Variants in ASB6 observed in about 807,000 individuals in gnomAD.
ASB6 encodes ankyrin repeat and SOCS box protein 6.
Under a neutral mutation model 28.6 loss-of-function variants are expected in ASB6, and 24 were observed. The observed-to-expected ratio is 0.84, with a 90% CI of 0.61 to 1.18. The LOEUF (loss-of-function observed/expected upper bound fraction) is 1.18, where lower values mean the gene tolerates loss of function less well. Among genes scored for constraint, ASB6 ranks in the 50% most tolerant of loss-of-function variants. The pLI is 0.00. For missense variants in ASB6, 519 were observed against 559.8 expected, an observed-to-expected ratio of 0.93 and a Z score of 0.74; for synonymous variants, 267 against 243.4, an observed-to-expected ratio of 1.10 and a Z score of -0.90.
Position 129,635,545 on chromosome 9 carries a change from T to C in ASB6, c.*2245A>G. ...GCTGGGCAAGATCCAGGCGCCACGC[T>C]GGCGGTTCGTGAGTGTCGAGGCACC... is the stretch of plus-strand genomic sequence containing the variant. On this transcript the variant is annotated 3_prime_UTR_variant, in exon 6 of 6. Coordinates refer to ENST00000277458, the MANE Select transcript of ASB6 (RefSeq NM_017873.4). 6.7e-7 allele frequency: 1 copy of C among 1,496,168 alleles called. No homozygotes were observed. The highest frequency in any genetic ancestry group is 1.9e-5 in the Admixed American group (1 of 51,960). 92.7% of individuals were successfully genotyped at this position (1,496,168 alleles called of 1,614,324 possible). A position where few individuals can be genotyped will look rare whatever the true frequency, so the allele number is the denominator to read the frequency against.
intron 2 of ASB6, 129 bp downstream of exon 2, chr9:129,640,412 C>T: frequency 7.6e-7 from 1 of 1,312,290 alleles, no homozygotes; most frequent in Non-Finnish European, 1.0e-6. Context: ...TTAGTTGCAG[C>T]CACCCAGGAA....
In ASB6 at chr9:129,637,961, C is replaced by T; in HGVS notation, c.1095G>A (p.Leu365=). ...AEKIQALHFS[L]RQLESYPPPL... is the part of the protein sequence containing the mutation. ...GCGGGGGATAGCTCTCCAGCTGCCT[C>T]AAGGAGAAGTGGAGGGCCTGGATCT... is the stretch of plus-strand genomic sequence containing the variant. Residue 365 remains leucine, a synonymous_variant, in exon 6 of 6, where the codon TTG becomes TTA. Transcript: ENST00000277458. 1.2e-6 allele frequency: 2 copies of T among 1,600,252 alleles called. No individual in the cohort carries two copies.
At position 129,634,984 on chromosome 9, in the gene ASB6, T is replaced by G; in HGVS notation, c.*2806A>C. 1.8e-6 allele frequency: 1 copy of G among 566,250 alleles called. No homozygotes were observed. Among genetic ancestry groups the G allele is most frequent in the Non-Finnish European group, 3.1e-6 (1 of 321,438 alleles). The allele number at this position is 566,250 out of a possible 1,614,324, so 35.1% of individuals were successfully genotyped here. On this transcript the variant is annotated 3_prime_UTR_variant, in exon 6 of 6. Transcript: ENST00000277458. ...TTGTAAGCCATCCCGTCAAGTCAAATTCTGGCTTAATGTGTCTTTAGGTAG... is the reference window on the plus strand; with the variant it reads ...TTGTAAGCCATCCCGTCAAGTCAAAGTCTGGCTTAATGTGTCTTTAGGTAG...
intron 4 of ASB6, among the ~76,000 whole-genome samples, 192 bp from the exon 5 acceptor site, chr9:129,638,851 G>A (rs565089667): frequency 9.9e-5 from 15 of 152,264 alleles, no homozygotes; most frequent in East Asian, 1.9e-4. Context: ...AAGTGGGAGC[G>A]GAAAGGCCAG....
At position 129,634,908 on chromosome 9, in the gene ASB6, T is replaced by G; in HGVS notation, c.*2882A>C. On this transcript the variant is annotated 3_prime_UTR_variant, in exon 6 of 6. Transcript: ENST00000277458. ...TCTTAGCCCAGGTTCACTCCTCCGA[T>G]CCAAGCCTGGCAGGGGTGGGGCATC... 2.5e-6 allele frequency: 1 copy of G among 401,954 alleles called. No homozygotes were observed. Among genetic ancestry groups the G allele is most frequent in the South Asian group, 2.9e-5 (1 of 34,706 alleles). The allele number at this position is 401,954 out of a possible 1,614,324, so 24.9% of individuals were successfully genotyped here.
rs1195408162 is a variant in ASB6 at position 129,638,296 on chromosome 9, T to C, written c.760A>G (p.Ser254Gly). ...AGGGACTCGTGGGCTGGGCACTCGC[T>C]GGGGTCGGCCCCGTGTGCCAGCAGC... Reference protein sequence around the residue: ...RLLLAHGADPSECPAHESLTH... With the variant: ...RLLLAHGADPGECPAHESLTH... The change falls in exon 6 of 6, where the codon AGC becomes GGC. Residue 254 changes from serine to glycine, a missense_variant. By Grantham distance (56) the Ser-to-Gly change is moderately conservative. Transcript: ENST00000277458. 3.7e-6 allele frequency: 6 copies of C among 1,612,874 alleles called. No homozygotes were observed. In the African/African-American group the frequency reaches 6.7e-5, roughly 18 times the overall value.
Position 129,635,457 on chromosome 9 carries a change from T to C in ASB6, c.*2333A>G. 1 of 1,607,812 alleles carries C rather than the reference T, an allele frequency of 6.2e-7. No individual in the cohort carries two copies. Among genetic ancestry groups the C allele is most frequent in the Non-Finnish European group, 8.5e-7 (1 of 1,175,666 alleles). On this transcript the variant is annotated 3_prime_UTR_variant, in exon 6 of 6. Coordinates refer to ENST00000277458, the MANE Select transcript of ASB6 (RefSeq NM_017873.4). ...ATCTACCATGTCTATAGCTTTGCCCTGAGATGAGCCGGGGCTGGCAGGAGA... is the reference window on the plus strand; with the variant it reads ...ATCTACCATGTCTATAGCTTTGCCCCGAGATGAGCCGGGGCTGGCAGGAGA...
At chr9:129,639,374 T>C in intron 3 of ASB6, 28 bp downstream of exon 3, 1 of 1,602,298 alleles carries the variant, frequency 6.2e-7, no homozygotes, top group South Asian at 1.1e-5. Context: ...CCAACCCTGC[T>C]TCAAAGCAAG....
chr9:129,638,797 G>A (rs895447988), intron 4 of ASB6, 138 bp from the exon 5 acceptor site: 3 of 727,904 alleles, frequency 4.1e-6, no homozygotes, highest in Non-Finnish European at 7.0e-6. Context: ...CTCAGGTGAG[G>A]GCTGAGGGTG....
rs1831468761 is a variant in ASB6 at position 129,635,240 on chromosome 9, C to T, written c.*2550G>A. On this transcript the variant is annotated 3_prime_UTR_variant, in exon 6 of 6. Transcript: ENST00000277458. ...CACCGATCAGCACCTGGCCGAGTTCCTGCGGCGCTGCAAGGGCAGCCTCCG... is the reference window on the plus strand; with the variant it reads ...CACCGATCAGCACCTGGCCGAGTTCTTGCGGCGCTGCAAGGGCAGCCTCCG... The T allele has an allele frequency of 6.2e-7, 1 of 1,612,320 alleles. No individual in the cohort carries two copies. The highest frequency in any genetic ancestry group is 8.5e-7 in the Non-Finnish European group (1 of 1,180,006).
chr9:129,640,157 C>A lies in ASB6; in HGVS notation c.295+384G>T, dbSNP rs150721225. Among the ~76,000 whole-genome samples the A allele has an allele frequency of 3.2e-3, 482 of 151,900 alleles. 1 individual carries two copies. Among genetic ancestry groups the A allele is most frequent in the African/African-American group, 0.011 (460 of 41,404 alleles). Reference sequence around the variant, plus strand: ...TGCAGCCTGTTTTCCCCTCTCCCTACGGCATGAGAAAAAAAAAAACAAATT... The same window carrying A: ...TGCAGCCTGTTTTCCCCTCTCCCTAAGGCATGAGAAAAAAAAAAACAAATT... On this transcript the variant is annotated intron_variant, in intron 2 of 5. Coordinates refer to ENST00000277458, the MANE Select transcript of ASB6 (RefSeq NM_017873.4).
In ASB6 at chr9:129,638,544, G is replaced by A. The variant is rs1276139316; in HGVS notation, c.598+29C>T. On this transcript the variant is annotated intron_variant, in intron 5 of 5. Transcript: ENST00000277458. ...CACACATCGAAGGGGCGGGTGAGAG[G>A]ACGAGGCCTAGGAGCGCGCCAGCCT... 13 of 1,612,964 alleles carry A rather than the reference G, an allele frequency of 8.1e-6. No individual in the cohort carries two copies. The East Asian group carries it at 2.2e-4, about 28-fold the overall frequency.
Position 129,635,295 on chromosome 9 carries a change from A to G in ASB6, c.*2495T>C. 6 of 1,613,802 alleles carry G rather than the reference A, an allele frequency of 3.7e-6. No individual in the cohort carries two copies. Among genetic ancestry groups the G allele is most frequent in the East Asian group, 2.2e-5 (1 of 44,874 alleles). On this transcript the variant is annotated 3_prime_UTR_variant, in exon 6 of 6. Transcript: ENST00000277458. ...AACGGCATCATCGTCATCAAAGACA[A>G]CATGGCCCAGGAGGGCGTGATTCTG...
At position 129,638,125 on chromosome 9, in the gene ASB6, G is replaced by T; in HGVS notation, c.931C>A (p.Pro311Thr). The T allele has an allele frequency of 6.2e-7, 1 of 1,614,150 alleles. No individual in the cohort carries two copies. The stretch of plus-strand genomic sequence containing the variant: ...TGGCTCTCGTCTTCCGTGCAGCCTG[G>T]GTGGGAACAGAGCCTCTCAAAGATG... ...HIIFERLCSH[P>T]GCTEDESHAD... Residue 311 changes from proline (P) to threonine (T), a missense_variant, in exon 6 of 6, where the codon CCA becomes ACA. Pro to Thr is a conservative substitution (Grantham distance 38). Coordinates refer to ENST00000277458, the MANE Select transcript of ASB6 (RefSeq NM_017873.4).
intron 2 of ASB6, among the ~76,000 whole-genome samples, chr9:129,640,284 G>C (rs1831663748): frequency 6.6e-6 from 1 of 152,252 alleles, no homozygotes; most frequent in Non-Finnish European, 1.5e-5. Flanking sequence ...TCTGGGAGCT[G>C]GGGAAAGTTT....
At position 129,640,586 on chromosome 9, in the gene ASB6, C is replaced by T. The variant is rs1480070826; in HGVS notation, c.250G>A (p.Ala84Thr). 6.2e-7 allele frequency: 1 copy of T among 1,612,676 alleles called. No individual in the cohort carries two copies. The highest frequency in any genetic ancestry group is 8.5e-7 in the Non-Finnish European group (1 of 1,179,732). The change falls in exon 2 of 6, where the codon GCG becomes ACG. Residue 84 changes from alanine to threonine, a missense_variant. By Grantham distance (58) the Ala-to-Thr change is moderately conservative. Coordinates refer to ENST00000277458, the MANE Select transcript of ASB6 (RefSeq NM_017873.4). Reference protein sequence around the residue: ...LKMAELGLTRAADVLLRHGAN... With the variant: ...LKMAELGLTRTADVLLRHGAN... ...CCATGCCGCAAGAGAACGTCGGCCG[C>T]CCGCGTCAGCCCCAGCTCAGCCATC...
rs1398214265 is a variant in ASB6, at chr9:129,638,556, G to C, written c.598+17C>G. The C allele has an allele frequency of 1.9e-6, 3 of 1,613,726 alleles. No homozygotes were observed. Among genetic ancestry groups the C allele is most frequent in the African/African-American group, 2.7e-5 (2 of 75,026 alleles). ...GGGCGGGTGAGAGGACGAGGCCTAG[G>C]AGCGCGCCAGCCTCACCTCCTTCCA... On this transcript the variant is annotated intron_variant, in intron 5 of 5. Coordinates refer to ENST00000277458, the MANE Select transcript of ASB6 (RefSeq NM_017873.4).
intron 2 of ASB6, 126 bp downstream of exon 2, chr9:129,640,414 AC>A: frequency 7.6e-7 from 1 of 1,321,240 alleles, no homozygotes. Flanking sequence ...AGTTGCAGCC[AC>A]CCAGGAAATA....
intron 3 of ASB6, 28 bp from the exon 4 acceptor site, chr9:129,639,338 G>A: frequency 1.2e-6 from 2 of 1,602,906 alleles, no homozygotes; most frequent in Non-Finnish European, 1.7e-6. Flanking sequence ...AGCCAGGTTG[G>A]CTTGGGAAGC....
Sources: allele counts gnomAD v4.1 joint callset (sites outside exome capture counted in the v4.1 genomes callset), GRCh38; gene constraint gnomAD v4.1.1; transcripts MANE v1.5; gene names NCBI Gene and HGNC (gene_info 2026-07-23, HGNC 2026-07-21).